GRM8: variants seen among roughly 807,000 people sequenced by gnomAD.
The protein encoded by GRM8 is metabotropic glutamate receptor 8.
In GRM8, 47 loss-of-function variants were observed where a neutral mutation model predicts 87.2. That is an observed-to-expected ratio of 0.54 (90% CI 0.43 to 0.69). GRM8 has a LOEUF of 0.69. Among genes scored for constraint, GRM8 ranks in the 30% least tolerant of loss-of-function variants. GRM8 has a pLI of 0.00. For missense variants in GRM8, 1,019 were observed against 1,139.2 expected, an observed-to-expected ratio of 0.89 and a Z score of 1.52; for synonymous variants, 396 against 404.5, an observed-to-expected ratio of 0.98 and a Z score of 0.25.
At chr7:127,110,170 C>T (rs2133113891) in intron 2 of GRM8, among the ~76,000 whole-genome samples, 1 of 152,314 alleles carries the variant, frequency 6.6e-6, no homozygotes, top group Non-Finnish European at 1.5e-5. Flanking sequence ...CTCCGAAGCA[C>T]TTCATCATCC....
intron 9 of GRM8, among the ~76,000 whole-genome samples, chr7:126,489,895 G>A (rs989469677): frequency 1.3e-5 from 2 of 151,874 alleles, no homozygotes; most frequent in Non-Finnish European, 2.9e-5. Context: ...GAACCAAGAC[G>A]CAAAGGAAGA....
intron 2 of GRM8, among the ~76,000 whole-genome samples, chr7:127,123,712 T>C (rs1182169964): frequency 6.6e-6 from 1 of 152,210 alleles, no homozygotes; most frequent in Non-Finnish European, 1.5e-5. Context: ...AATAAAACAT[T>C]ACCAAATTTT....
intron 6 of GRM8, among the ~76,000 whole-genome samples, chr7:126,898,767 A>AT (rs199757102): frequency 1.1e-4 from 17 of 152,230 alleles, no homozygotes; most frequent in East Asian, 5.8e-4. Context: ...AGAAAATATG[A>AT]TTTTTTTATT....
intron 2 of GRM8, among the ~76,000 whole-genome samples, chr7:127,185,957 G>T (rs1794712791): frequency 6.6e-6 from 1 of 152,172 alleles, no homozygotes; most frequent in Non-Finnish European, 1.5e-5. Flanking sequence ...AGTGTGCACT[G>T]ATTTGAGCCT....
chr7:127,050,295 A>G (rs902893611), intron 3 of GRM8, among the ~76,000 whole-genome samples: 4 of 152,174 alleles, frequency 2.6e-5, no homozygotes, highest in Admixed American at 6.5e-5. Context: ...GCAGGAGCTG[A>G]TAAGGAGCCC....
chr7:126,900,997 GA>G (rs1380519121), intron 6 of GRM8, among the ~76,000 whole-genome samples: 1 of 152,130 alleles, frequency 6.6e-6, no homozygotes, highest in Non-Finnish European at 1.5e-5. Context: ...CCTACCGGTA[GA>G]ATAAAGCCCA....
At chr7:126,768,917 A>C in intron 7 of GRM8, among the ~76,000 whole-genome samples, 1 of 150,456 alleles carries the variant, frequency 6.6e-6, no homozygotes. Context: ...TTGCCTTTAA[A>C]GGAAAAATGC....
chr7:126,939,534 T>A (rs1416204130), intron 3 of GRM8, among the ~76,000 whole-genome samples: 1 of 152,216 alleles, frequency 6.6e-6, no homozygotes, highest in African/African-American at 2.4e-5. Flanking sequence ...AGCATTCAGA[T>A]AATGGATGAC....
intron 3 of GRM8, among the ~76,000 whole-genome samples, chr7:127,005,022 GA>G (rs925394235): frequency 6.6e-6 from 1 of 150,826 alleles, no homozygotes; most frequent in South Asian, 2.1e-4. Context: ...AGATAAAGAG[GA>G]AAAAAACCAT....
chr7:126,909,230 A>G (rs1421399236), intron 3 of GRM8, among the ~76,000 whole-genome samples: 1 of 152,220 alleles, frequency 6.6e-6, no homozygotes, highest in African/African-American at 2.4e-5. Context: ...AAATAGTCCT[A>G]TGACTTCATA....
chr7:126,833,684 C>T (rs1173511466), intron 6 of GRM8, among the ~76,000 whole-genome samples: 1 of 152,140 alleles, frequency 6.6e-6, no homozygotes, highest in Non-Finnish European at 1.5e-5. Context: ...TCAGCTAAAC[C>T]TAAACCTCCC....
chr7:126,944,717 T>G (rs1009001151), intron 3 of GRM8, among the ~76,000 whole-genome samples: 3 of 152,010 alleles, frequency 2.0e-5, no homozygotes, highest in Admixed American at 2.0e-4. Flanking sequence ...AGAGAATAAG[T>G]GAATGTAGGT....
chr7:126,630,161 T>A (rs565880100), intron 7 of GRM8, among the ~76,000 whole-genome samples: 1 of 150,928 alleles, frequency 6.6e-6, no homozygotes, highest in South Asian at 2.1e-4. Flanking sequence ...CTCCAAAGAT[T>A]TAGAACAAAA....
chr7:126,776,039 T>G (rs1819437487), intron 6 of GRM8, among the ~76,000 whole-genome samples: 3 of 152,168 alleles, frequency 2.0e-5, no homozygotes, highest in Admixed American at 6.6e-5. Context: ...TTGTTAATAT[T>G]TAATGATTTT....
At chr7:126,710,347 T>C (rs1810977851) in intron 7 of GRM8, among the ~76,000 whole-genome samples, 1 of 152,214 alleles carries the variant, frequency 6.6e-6, no homozygotes, top group Non-Finnish European at 1.5e-5. Flanking sequence ...CTCTGTAACA[T>C]GTTATGCTGT....
At chr7:127,116,466 T>A (rs886834933) in intron 2 of GRM8, among the ~76,000 whole-genome samples, 1 of 152,136 alleles carries the variant, frequency 6.6e-6, no homozygotes, top group Admixed American at 6.6e-5. Flanking sequence ...CCCAGCCCCA[T>A]GGAACATATG....
At chr7:126,999,240 C>G (rs1563397338) in intron 3 of GRM8, among the ~76,000 whole-genome samples, 1 of 151,798 alleles carries the variant, frequency 6.6e-6, no homozygotes, top group East Asian at 1.9e-4. Context: ...AAAATCAAAT[C>G]AAAAGGGATT....
At chr7:127,232,599 C>T (rs1398932518) in intron 2 of GRM8, among the ~76,000 whole-genome samples, 2 of 152,082 alleles carry the variant, frequency 1.3e-5, no homozygotes, top group Non-Finnish European at 2.9e-5. Context: ...GCTAATCTGC[C>T]TTTGTTCACA....
At chr7:126,459,724 G>C (rs900070162) in intron 9 of GRM8, among the ~76,000 whole-genome samples, 1 of 151,360 alleles carries the variant, frequency 6.6e-6, no homozygotes, top group Non-Finnish European at 1.5e-5. Flanking sequence ...GCTATCTCTG[G>C]GGAGCCTGGA....
Sources: gnomAD v4.1 joint callset for allele counts (sites outside exome capture counted in the v4.1 genomes callset) on GRCh38, gnomAD v4.1.1 for gene constraint, MANE v1.5 for transcripts, NCBI Gene and HGNC (gene_info 2026-07-23, HGNC 2026-07-21) for gene names.